The following RANBP2 variants were observed in gnomAD, a reference collection of about 807,000 sequenced individuals.
RANBP2 encodes RAN binding protein 2.
A neutral mutation model predicts 303.6 loss-of-function variants in RANBP2; 57 were observed. The observed-to-expected ratio is 0.19, with a 90% CI of 0.15 to 0.23. RANBP2 has a LOEUF of 0.23. RANBP2 is among the 10% of genes least tolerant of loss of function. The probability of loss-of-function intolerance (pLI) is 1.00; values close to 1 mark genes in which losing one functional copy is unlikely to be tolerated. For missense variants in RANBP2, 3,138 were observed against 3,780.8 expected, an observed-to-expected ratio of 0.83 and a Z score of 4.46; for synonymous variants, 1,167 against 1,301.5, an observed-to-expected ratio of 0.90 and a Z score of 2.23.
the RANBP2 span, among the ~76,000 whole-genome samples, chr2:109,551,410 G>T: frequency 2.0e-4 from 30 of 152,144 alleles, no homozygotes; most frequent in Admixed American, 1.9e-3. Context: ...TTGAATAAAA[G>T]AAACTAAACA....
In RANBP2 at chr2:108,766,076, C is replaced by T. The variant is rs2149279196; in HGVS notation, c.5537C>T (p.Ser1846Leu). 1 of 1,614,102 alleles carries T rather than the reference C, an allele frequency of 6.2e-7. No individual in the cohort carries two copies. Among genetic ancestry groups the T allele is most frequent in the Non-Finnish European group, 8.5e-7 (1 of 1,180,008 alleles). ...QVGTGFKSNF[S>L]EKASKFGNTE... Reference sequence around the variant, plus strand: ...GGAACAGGATTTAAAAGTAATTTCTCAGAAAAAGCTTCTAAGTTTGGCAAT... The same window carrying T: ...GGAACAGGATTTAAAAGTAATTTCTTAGAAAAAGCTTCTAAGTTTGGCAAT... Residue 1846 changes from serine (S) to leucine (L), a missense_variant, in exon 20 of 29, where the codon TCA becomes TTA. Coordinates refer to ENST00000283195, the MANE Select transcript of RANBP2 (RefSeq NM_006267.5).
At chr2:108,825,445 A>G in the RANBP2 span, among the ~76,000 whole-genome samples, 1 of 152,112 alleles carries the variant, frequency 6.6e-6, no homozygotes, top group African/African-American at 2.4e-5. Context: ...AAAAAACCCA[A>G]CCCATTAGCA....
At chr2:108,824,044 G>A in the RANBP2 span, among the ~76,000 whole-genome samples, 7 of 152,100 alleles carry the variant, frequency 4.6e-5, no homozygotes, top group East Asian at 3.9e-4. Context: ...GAGCTTGTAC[G>A]ACTAGAAGTT....
At chr2:109,517,028 G>A in the RANBP2 span, among the ~76,000 whole-genome samples, 1 of 152,156 alleles carries the variant, frequency 6.6e-6, no homozygotes, top group African/African-American at 2.4e-5. Flanking sequence ...AGGAACACAT[G>A]GCTGAGCTTT....
chr2:109,599,894 G>A, the RANBP2 span, among the ~76,000 whole-genome samples: 4 of 152,134 alleles, frequency 2.6e-5, no homozygotes, highest in Non-Finnish European at 5.9e-5. Context: ...ACACTGCAAT[G>A]AATGTTCCAA....
At chr2:109,613,710 C>A in the RANBP2 span, 6 of 905,080 alleles carry the variant, frequency 6.6e-6, no homozygotes, top group East Asian at 1.4e-4. Context: ...AATCCCGGGC[C>A]GGACCAGGGG....
chr2:109,747,970 A>C, the RANBP2 span, among the ~76,000 whole-genome samples: 32 of 113,524 alleles, frequency 2.8e-4, no homozygotes, highest in Non-Finnish European at 5.3e-4. Context: ...TCGGAAAAAA[A>C]TATTAAGCTA....
At chr2:109,056,952 C>G in the RANBP2 span, among the ~76,000 whole-genome samples, 1 of 152,158 alleles carries the variant, frequency 6.6e-6, no homozygotes, top group Non-Finnish European at 1.5e-5. Flanking sequence ...GAGGCAGGTG[C>G]CTGGGAGAGA....
chr2:109,201,749 G>A, the RANBP2 span, among the ~76,000 whole-genome samples: 6 of 152,176 alleles, frequency 3.9e-5, no homozygotes, highest in South Asian at 2.1e-4. Context: ...ACAGCCAAGC[G>A]GTGAAAGGAG....
At chr2:109,404,347 G>A in the RANBP2 span, among the ~76,000 whole-genome samples, 2 of 152,242 alleles carry the variant, frequency 1.3e-5, no homozygotes, top group South Asian at 4.1e-4. Context: ...AGGTGAGCTC[G>A]AGGCCTGGCG....
At chr2:108,942,233 T>C in the RANBP2 span, among the ~76,000 whole-genome samples, 3 of 152,178 alleles carry the variant, frequency 2.0e-5, no homozygotes, top group African/African-American at 7.2e-5. Flanking sequence ...ATGGAGTCAA[T>C]GGCGGCTCAG....
the RANBP2 span, among the ~76,000 whole-genome samples, chr2:109,094,853 A>AC: frequency 6.6e-6 from 1 of 152,210 alleles, no homozygotes; most frequent in African/African-American, 2.4e-5. Context: ...AAACAAACAA[A>AC]AAAACAACTG....
chr2:108,847,604 G>T, the RANBP2 span, among the ~76,000 whole-genome samples: 1 of 152,110 alleles, frequency 6.6e-6, no homozygotes, highest in Non-Finnish European at 1.5e-5. Context: ...TTAATATTTA[G>T]CTATAACAGG....
At chr2:109,393,571 A>G in the RANBP2 span, among the ~76,000 whole-genome samples, 1 of 152,026 alleles carries the variant, frequency 6.6e-6, no homozygotes, top group Non-Finnish European at 1.5e-5. Flanking sequence ...CATCCATGAA[A>G]AGAGTCATGT....
chr2:109,050,447 G>C, the RANBP2 span, among the ~76,000 whole-genome samples: 1 of 151,398 alleles, frequency 6.6e-6, no homozygotes, highest in South Asian at 2.1e-4. Flanking sequence ...GAGATGGGGG[G>C]TCTCATGAGG....
chr2:108,732,465 C>T (rs1470175977), intron 4 of RANBP2, among the ~76,000 whole-genome samples: 1 of 152,130 alleles, frequency 6.6e-6, no homozygotes, highest in East Asian at 1.9e-4. Context: ...ATTCCAAAGT[C>T]TGAAAAAATT....
the RANBP2 span, among the ~76,000 whole-genome samples, chr2:109,031,718 G>A: frequency 2.0e-5 from 3 of 152,304 alleles, no homozygotes; most frequent in Admixed American, 2.0e-4. Flanking sequence ...TGGCAACCTG[G>A]ACGCGCTGCG....
intron 24 of RANBP2, among the ~76,000 whole-genome samples, chr2:108,776,531 A>G (rs1231690669): frequency 6.6e-6 from 1 of 152,182 alleles, no homozygotes; most frequent in Admixed American, 6.5e-5. Flanking sequence ...TCAGTGTCAC[A>G]AATATTACAT....
the RANBP2 span, among the ~76,000 whole-genome samples, chr2:109,071,863 A>ATGTGT: frequency 6.6e-6 from 1 of 152,342 alleles, no homozygotes; most frequent in East Asian, 1.9e-4. Flanking sequence ...ACACAGGAAC[A>ATGTGT]TGCCAGCATT....
Sources: gnomAD v4.1 joint callset for allele counts (sites outside exome capture counted in the v4.1 genomes callset) on GRCh38, gnomAD v4.1.1 for gene constraint, MANE v1.5 for transcripts, NCBI Gene and HGNC (gene_info 2026-07-23, HGNC 2026-07-21) for gene names.